Variants in SPTA1 observed in about 807,000 individuals in gnomAD.
SPTA1 encodes spectrin alpha chain, erythrocytic 1.
Under a neutral mutation model 324.7 loss-of-function variants are expected in SPTA1, and 177 were observed. The observed-to-expected ratio is 0.55, with a 90% CI of 0.48 to 0.62. SPTA1 has a LOEUF of 0.62. Ranked by LOEUF, SPTA1 falls within the 20% of genes least tolerant of loss-of-function variation. The probability of loss-of-function intolerance (pLI) is 0.00; values close to 1 mark genes in which losing one functional copy is unlikely to be tolerated. For synonymous variants in SPTA1, 1,195 were observed against 1,041.3 expected, an observed-to-expected ratio of 1.15 and a Z score of -2.84; for missense variants, 3,162 against 2,883.6, an observed-to-expected ratio of 1.10 and a Z score of -2.21.
At chr1:158,681,164 C>T (rs927338809) in intron 4 of SPTA1, among the ~76,000 whole-genome samples, 3 of 152,046 alleles carry the variant, frequency 2.0e-5, no homozygotes, top group Admixed American at 2.0e-4. Flanking sequence ...CACTGAGACA[C>T]AAAGGATTAG....
chr1:158,626,926 C>A lies in SPTA1; in HGVS notation c.5746G>T (p.Ala1916Ser). 6 of 1,613,922 alleles carry A rather than the reference C, an allele frequency of 3.7e-6. No homozygotes were observed. Among genetic ancestry groups the A allele is most frequent in the Non-Finnish European group, 4.2e-6 (5 of 1,179,862 alleles). Residue 1916 changes from alanine to serine, a missense_variant, in exon 41 of 52, where the codon GCA (alanine) becomes TCA (serine). Transcript: ENST00000643759. ...AATTGCAACTTCCAAGCAGCTATTG[C>A]CTTAGCCAGAGAAGGGGTCTTTTCA... is the stretch of plus-strand genomic sequence containing the variant. ...LNEKTPSLAK[A>S]IAAWKLQLED... is the part of the protein sequence containing the mutation.
intron 15 of SPTA1, 89 bp from the exon 16 acceptor site, chr1:158,666,586 T>TATTAAA: frequency 8.7e-7 from 1 of 1,153,920 alleles, no homozygotes; most frequent in Non-Finnish European, 1.3e-6. Flanking sequence ...GAAGGATCAA[T>TATTAAA]ATAGTATTTT....
intron 38 of SPTA1, among the ~76,000 whole-genome samples, chr1:158,635,553 A>G (rs1269794309): frequency 2.0e-5 from 3 of 152,236 alleles, no homozygotes; most frequent in Admixed American, 2.0e-4. Flanking sequence ...GGGAAAAATA[A>G]TTCTTCGTCC....
intron 47 of SPTA1, 120 bp downstream of exon 47, chr1:158,617,417 T>C (rs1268591228): frequency 2.5e-6 from 2 of 795,760 alleles, no homozygotes; most frequent in Non-Finnish European, 4.4e-6. Context: ...TGGCCTATGG[T>C]TAAAATGGAC....
intron 18 of SPTA1, among the ~76,000 whole-genome samples, chr1:158,660,289 A>G (rs556523362): frequency 6.6e-6 from 1 of 152,332 alleles, no homozygotes; most frequent in African/African-American, 2.4e-5. Flanking sequence ...TAAGAATCTC[A>G]CTTTAAATAT....
At chr1:158,653,132 T>C (rs1652574987) in intron 22 of SPTA1, 142 bp downstream of exon 22, 1 of 1,347,494 alleles carries the variant, frequency 7.4e-7, no homozygotes, top group Non-Finnish European at 1.0e-6. Flanking sequence ...TTTAAAAGAT[T>C]CTAGGTTTAC....
chr1:158,612,987 G>A, intron 50 of SPTA1, 26 bp from the exon 51 acceptor site: 1 of 1,612,928 alleles, frequency 6.2e-7, no homozygotes, highest in Non-Finnish European at 8.5e-7. Flanking sequence ...ATCAGGAGCT[G>A]AGCCTTCTCA....
rs563103652 is a variant in SPTA1 at position 158,639,799 on chromosome 1, A to C, written c.4875+71T>G. The C allele has an allele frequency of 1.4e-4, 228 of 1,612,866 alleles. 1 individual carries two copies. In the South Asian group the frequency reaches 2.3e-3, roughly 16 times the overall value. ...CCAGGAAAATTCAAGGAAATTGCCCATGGGTAAATTCATTTGTCTGACAAG... is the reference window on the plus strand; with the variant it reads ...CCAGGAAAATTCAAGGAAATTGCCCCTGGGTAAATTCATTTGTCTGACAAG... On this transcript the variant is annotated intron_variant, in intron 34 of 51. Transcript: ENST00000643759.
rs765290649 is a variant in SPTA1 at position 158,678,392 on chromosome 1, G to T, written c.812+9C>A. On this transcript the variant is annotated intron_variant, in intron 6 of 51. Coordinates refer to ENST00000643759, the MANE Select transcript of SPTA1 (RefSeq NM_003126.4). ...AAAGTTTTCTATAAAGCAGTGGCCAGATCCATACCTTTTGAATCGTTGTAA... is the reference window on the plus strand; with the variant it reads ...AAAGTTTTCTATAAAGCAGTGGCCATATCCATACCTTTTGAATCGTTGTAA... 3.7e-6 allele frequency: 6 copies of T among 1,613,504 alleles called. No homozygotes were observed. The Middle Eastern group carries it at 8.3e-4, about 222-fold the overall frequency.
At chr1:158,636,424 C>T (rs1651073330) in intron 37 of SPTA1, among the ~76,000 whole-genome samples, 1 of 152,184 alleles carries the variant, frequency 6.6e-6, no homozygotes, top group Non-Finnish European at 1.5e-5. Context: ...GTTAAGAGTG[C>T]TCCTTCCAGG....
chr1:158,657,132 T>G (rs1652886705), intron 19 of SPTA1, among the ~76,000 whole-genome samples: 3 of 152,184 alleles, frequency 2.0e-5, no homozygotes, highest in Admixed American at 2.0e-4. Flanking sequence ...AATCAAGTAA[T>G]TAAGGTGTCT....
rs1354263679 is a variant in SPTA1, at chr1:158,617,594, T to C, written c.6549-6A>G. 1 of 1,611,594 alleles carries C rather than the reference T, an allele frequency of 6.2e-7. No individual in the cohort carries two copies. Among genetic ancestry groups the C allele is most frequent in the East Asian group, 2.2e-5 (1 of 44,848 alleles). On this transcript the variant is annotated splice_region_variant and splice_polypyrimidine_tract_variant and intron_variant, in intron 46 of 51. Transcript: ENST00000643759. ...CTGTTTCTTTGAGCAATGATCTAGT[T>C]AAGAACCGAAGGAAATCATTATGCA...
intron 46 of SPTA1, 121 bp downstream of exon 46, chr1:158,617,918 T>G (rs1649658708): frequency 2.0e-6 from 2 of 1,012,940 alleles, no homozygotes; most frequent in Non-Finnish European, 1.5e-6. Flanking sequence ...TCACTCCACA[T>G]TTTTATTTAC....
intron 33 of SPTA1, among the ~76,000 whole-genome samples, chr1:158,641,069 T>C (rs1261578142): frequency 6.6e-6 from 1 of 152,160 alleles, no homozygotes; most frequent in African/African-American, 2.4e-5. Context: ...AAGGATTCCC[T>C]ATTTAATAAA....
At position 158,644,398 on chromosome 1, in the gene SPTA1, T is replaced by C. The variant is rs1456888100; in HGVS notation, c.4195-2A>G. On this transcript the variant is annotated splice_acceptor_variant, in intron 29 of 51. Coordinates refer to ENST00000643759, the MANE Select transcript of SPTA1 (RefSeq NM_003126.4). LOFTEE classifies it high-confidence loss of function. ...TTGATCACAGTTCCCCTGGAACATC[T>C]ATGAGGAATCAAATGAGAGGGGTAT... 6.2e-7 allele frequency: 1 copy of C among 1,613,718 alleles called. No individual in the cohort carries two copies. Among genetic ancestry groups the C allele is most frequent in the East Asian group, 2.2e-5 (1 of 44,848 alleles).
Position 158,662,687 on chromosome 1 carries a change from T to G in SPTA1, c.2464+15A>C, listed in dbSNP as rs374411047. ...GTCCTTTCCTAGTGGCTCAGCCTGC[T>G]CAGGCTGTACTAACCAAGGTAGGTG... On this transcript the variant is annotated intron_variant, in intron 17 of 51. Transcript: ENST00000643759. 5.0e-6 allele frequency: 8 copies of G among 1,613,430 alleles called. No homozygotes were observed. The African/African-American group carries it at 9.3e-5, about 19-fold the overall frequency.
At chr1:158,625,781 G>A (rs1012884652) in intron 42 of SPTA1, among the ~76,000 whole-genome samples, 3 of 151,324 alleles carry the variant, frequency 2.0e-5, no homozygotes, top group Non-Finnish European at 4.4e-5. Context: ...AAAGATGAAA[G>A]GCTAAAATTT....
At chr1:158,676,522 A>T (rs996004888) in intron 7 of SPTA1, among the ~76,000 whole-genome samples, 1 of 152,124 alleles carries the variant, frequency 6.6e-6, no homozygotes, top group African/African-American at 2.4e-5. Context: ...TTCTCATTTT[A>T]TATTATTCAT....
chr1:158,613,092 T>C, intron 50 of SPTA1, 131 bp from the exon 51 acceptor site: 1 of 934,726 alleles, frequency 1.1e-6, no homozygotes, highest in Non-Finnish European at 1.7e-6. Flanking sequence ...CTAAGCTTTC[T>C]GGGATGAGAT....
Sources: gnomAD v4.1 joint callset for allele counts (sites outside exome capture counted in the v4.1 genomes callset) on GRCh38, gnomAD v4.1.1 for gene constraint, MANE v1.5 for transcripts, NCBI Gene and HGNC (gene_info 2026-07-23, HGNC 2026-07-21) for gene names.